Variants in PRR16 observed in about 807,000 individuals in gnomAD.
PRR16 encodes the protein protein Largen.
PRR16 carries 6 observed loss-of-function variants against 18.2 expected under a neutral mutation model. The ratio of observed to expected loss-of-function variants is 0.33; its 90% CI spans 0.18 to 0.65. The LOEUF is 0.65. PRR16 is among the 30% of genes least tolerant of loss of function. The pLI is 0.74. For synonymous variants in PRR16, 151 were observed against 147.8 expected, an observed-to-expected ratio of 1.02 and a Z score of -0.16; for missense variants, 412 against 376.6, an observed-to-expected ratio of 1.09 and a Z score of -0.78.
chr5:120,759,091 C>G, the PRR16 span, among the ~76,000 whole-genome samples: 1 of 151,556 alleles, frequency 6.6e-6, no homozygotes, highest in African/African-American at 2.4e-5. Context: ...ATCCTCCTGC[C>G]TCAGCCTCCC....
the PRR16 span, among the ~76,000 whole-genome samples, chr5:120,735,309 G>A: frequency 6.6e-6 from 1 of 152,108 alleles, no homozygotes; most frequent in Non-Finnish European, 1.5e-5. Flanking sequence ...TGTGAGTAAT[G>A]CTGCAAAGGC....
intron 1 of PRR16, among the ~76,000 whole-genome samples, chr5:120,537,053 G>A (rs539445291): frequency 2.0e-5 from 3 of 152,290 alleles, no homozygotes; most frequent in South Asian, 2.1e-4. Flanking sequence ...GATGGAGGGC[G>A]AGAGGAGGGA....
intron 1 of PRR16, among the ~76,000 whole-genome samples, chr5:120,663,505 C>G (rs536023897): frequency 6.6e-6 from 1 of 152,012 alleles, no homozygotes; most frequent in Non-Finnish European, 1.5e-5. Flanking sequence ...CTGTGCACAC[C>G]GTCTACTTTA....
At chr5:120,589,420 T>C (rs1441012398) in intron 1 of PRR16, among the ~76,000 whole-genome samples, 1 of 152,108 alleles carries the variant, frequency 6.6e-6, no homozygotes, top group Non-Finnish European at 1.5e-5. Context: ...TCTCAAGGTA[T>C]AGGGATGTCC....
intron 1 of PRR16, among the ~76,000 whole-genome samples, chr5:120,574,192 G>T (rs1388702964): frequency 6.6e-6 from 1 of 152,056 alleles, no homozygotes; most frequent in African/African-American, 2.4e-5. Flanking sequence ...AAAGAAATTT[G>T]TAATATCTAT....
chr5:120,508,592 C>G (rs1332522907), intron 1 of PRR16, among the ~76,000 whole-genome samples: 1 of 152,038 alleles, frequency 6.6e-6, no homozygotes, highest in Non-Finnish European at 1.5e-5. Context: ...TAGCCCCTCC[C>G]CATATCATTA....
intron 1 of PRR16, among the ~76,000 whole-genome samples, chr5:120,547,991 A>G (rs911771288): frequency 1.3e-5 from 2 of 152,126 alleles, no homozygotes; most frequent in African/African-American, 2.4e-5. Context: ...ATGAATAACT[A>G]TGATAAATTA....
At chr5:120,720,821 T>C in the PRR16 span, among the ~76,000 whole-genome samples, 1 of 152,066 alleles carries the variant, frequency 6.6e-6, no homozygotes, top group South Asian at 2.1e-4. Context: ...TCCCATTTCA[T>C]AGTTTTACTT....
At chr5:120,659,759 G>T (rs752647117) in intron 1 of PRR16, among the ~76,000 whole-genome samples, 11 of 151,970 alleles carry the variant, frequency 7.2e-5, no homozygotes, top group East Asian at 1.9e-4. Flanking sequence ...GCTTGGCTAA[G>T]TTGACATTCT....
intron 1 of PRR16, among the ~76,000 whole-genome samples, chr5:120,674,192 A>T (rs1043016022): frequency 6.6e-6 from 1 of 152,002 alleles, no homozygotes; most frequent in East Asian, 1.9e-4. Context: ...TTTTTTACCA[A>T]TATAGAAAAA....
chr5:120,472,287 A>G (rs1213811459), intron 1 of PRR16, among the ~76,000 whole-genome samples: 1 of 152,148 alleles, frequency 6.6e-6, no homozygotes, highest in African/African-American at 2.4e-5. Context: ...AAATGTTAAC[A>G]GATACATTGG....
chr5:120,491,042 G>T lies in PRR16; in HGVS notation c.159+26397G>T, dbSNP rs532476734. 8.5e-5 allele frequency among the ~76,000 whole-genome samples: 13 copies of T among 152,286 alleles called. No homozygotes were observed. The East Asian group carries it at 2.1e-3, about 25-fold the overall frequency. On this transcript the variant is annotated intron_variant, in intron 1 of 1. Coordinates refer to ENST00000407149, the MANE Select transcript of PRR16 (RefSeq NM_001300783.2). Reference sequence around the variant, plus strand: ...TTGTCTCAGAGGAGTACCCGGCCGTGTGAGGTATCAGTCTGCCCCTACTGG... The same window carrying T: ...TTGTCTCAGAGGAGTACCCGGCCGTTTGAGGTATCAGTCTGCCCCTACTGG...
At chr5:120,571,885 C>G (rs989076857) in intron 1 of PRR16, among the ~76,000 whole-genome samples, 1 of 152,104 alleles carries the variant, frequency 6.6e-6, no homozygotes, top group South Asian at 2.1e-4. Flanking sequence ...GGATCCAAGA[C>G]AGCTTCACAT....
chr5:120,482,352 C>T (rs1282371814), intron 1 of PRR16, among the ~76,000 whole-genome samples: 1 of 152,100 alleles, frequency 6.6e-6, no homozygotes, highest in African/African-American at 2.4e-5. Flanking sequence ...CAGTGTTTAG[C>T]TCCTGCTTAT....
chr5:120,502,669 A>G (rs952659942), intron 1 of PRR16, among the ~76,000 whole-genome samples: 1 of 152,100 alleles, frequency 6.6e-6, no homozygotes, highest in Non-Finnish European at 1.5e-5. Context: ...AAATCTTTTA[A>G]TCCCTATTGG....
chr5:120,736,305 C>T, the PRR16 span, among the ~76,000 whole-genome samples: 3 of 152,140 alleles, frequency 2.0e-5, no homozygotes, highest in South Asian at 2.1e-4. Context: ...AAGTCTGTCA[C>T]CCAGGTTGGA....
At chr5:120,790,176 G>A in the PRR16 span, 1 of 151,950 alleles carries the variant, frequency 6.6e-6, no homozygotes. Flanking sequence ...CAGAGCCTTG[G>A]GGGTAAAAAA....
the PRR16 span, among the ~76,000 whole-genome samples, chr5:120,732,100 C>T: frequency 3.4e-3 from 515 of 152,204 alleles, 7 homozygotes; most frequent in Admixed American, 0.027. Context: ...TTTGGATGGC[C>T]AATCATCATT....
chr5:120,611,884 C>T lies in PRR16; in HGVS notation c.160-74070C>T, dbSNP rs975018850. Among the ~76,000 whole-genome samples, 3 of 152,150 alleles carry T rather than the reference C, an allele frequency of 2.0e-5. No homozygotes were observed. The South Asian group carries it at 6.2e-4, about 31-fold the overall frequency. ...ATGGTAGCTCTACCGACAGCTTGCA[C>T]TGTGCACCTGGAAAAGCCACAGACA... On this transcript the variant is annotated intron_variant, in intron 1 of 1. Coordinates refer to ENST00000407149, the MANE Select transcript of PRR16 (RefSeq NM_001300783.2).
Sources: gnomAD v4.1 joint callset for allele counts (sites outside exome capture counted in the v4.1 genomes callset) on GRCh38, gnomAD v4.1.1 for gene constraint, MANE v1.5 for transcripts, NCBI Gene and HGNC (gene_info 2026-07-23, HGNC 2026-07-21) for gene names.